The following PRADC1 variants were observed in gnomAD, a reference collection of about 807,000 sequenced individuals.
PRADC1 encodes protease associated domain containing 1, also known as protease-associated domain-containing protein 1.
In PRADC1, 23 loss-of-function variants were observed where a neutral mutation model predicts 22.9. That is an observed-to-expected ratio of 1.00 (90% confidence interval 0.72 to 1.42). The LOEUF is 1.42. PRADC1 is among the 40% of genes most tolerant of loss of function. The pLI, the probability that PRADC1 is intolerant of heterozygous loss-of-function variation, is 0.00. For missense variants in PRADC1, 207 were observed against 258.3 expected (o/e 0.80, Z 1.36); for synonymous variants, 71 against 100.3 (o/e 0.71, Z 1.75).
chr2:73,232,520 G>A (rs1335191793), intron 1 of PRADC1, among the ~76,000 whole-genome samples: 2 of 151,468 alleles, frequency 1.3e-5, no homozygotes, highest in East Asian at 1.9e-4. Flanking sequence ...AGTCCTGGGA[G>A]TGGGGACTCC....
rs1332252501 is a variant in PRADC1 at position 73,228,262 on chromosome 2, A to C, written c.*192T>G. ...CTTGCCTCTTCTTGTAGCATGAGAC[A>C]CCCTTGGGGGCCCTGGGGAAGGGAA... On this transcript the variant is annotated 3_prime_UTR_variant, in exon 5 of 5. Transcript: ENST00000258083. This position sits in a 1 kb window ranked among gnomAD's most constrained non-coding sequence, Gnocchi z 4.0. 14 of 641,944 alleles carry C rather than the reference A, an allele frequency of 2.2e-5. No homozygotes were observed. Among genetic ancestry groups the C allele is most frequent in the Non-Finnish European group, 3.7e-5 (14 of 380,902 alleles). The allele number at this position is 641,944 out of a possible 1,614,324, so 39.8% of individuals were successfully genotyped here.
In PRADC1 at chr2:73,233,147, G is replaced by C. The variant is rs1353223773; in HGVS notation, c.14C>G (p.Ala5Gly). The change falls in exon 1 of 5, where the codon GCC becomes GGC. Residue 5 changes from alanine (A) to glycine (G), a missense_variant. Ala to Gly is a moderately conservative substitution (Grantham distance 60). Transcript: ENST00000258083. Reference sequence around the variant, plus strand: ...GAGCACGAGACAACACCAGCCCGCGGCGCCGGGGACCATCTCCAGGGCCGG... The same window carrying C: ...GAGCACGAGACAACACCAGCCCGCGCCGCCGGGGACCATCTCCAGGGCCGG... MVPG[A>G]AGWCCLVLWL... is the part of the protein sequence containing the mutation. The C allele has an allele frequency of 6.8e-7, 1 of 1,467,114 alleles. No individual in the cohort carries two copies. Among genetic ancestry groups the C allele is most frequent in the Non-Finnish European group, 8.9e-7 (1 of 1,121,982 alleles). 90.9% of individuals were successfully genotyped at this position (1,467,114 alleles called of 1,614,324 possible). A position where few individuals can be genotyped will look rare whatever the true frequency, so the allele number is the denominator to read the frequency against.
At position 73,233,148 on chromosome 2, in the gene PRADC1, C is replaced by G; in HGVS notation, c.13G>C (p.Ala5Pro). 6.9e-7 allele frequency: 1 copy of G among 1,458,430 alleles called. No homozygotes were observed. Among genetic ancestry groups the G allele is most frequent in the African/African-American group, 1.5e-5 (1 of 65,332 alleles). 90.3% of individuals were successfully genotyped at this position (1,458,430 alleles called of 1,614,324 possible). ...AGCACGAGACAACACCAGCCCGCGG[C>G]GCCGGGGACCATCTCCAGGGCCGGG... MVPGAAGWCCLVLWL... is the reference protein window; with the variant it reads MVPGPAGWCCLVLWL... Residue 5 changes from alanine to proline, a missense_variant, in exon 1 of 5, where the codon GCC becomes CCC. Transcript: ENST00000258083.
intron 2 of PRADC1, chr2:73,229,902 G>C: frequency 1.7e-6 from 1 of 589,492 alleles, no homozygotes; most frequent in East Asian, 2.8e-5. Context: ...CCCCTAAAAA[G>C]ACAACTTGTC....
intron 1 of PRADC1, among the ~76,000 whole-genome samples, chr2:73,231,205 C>T (rs1211930842): frequency 5.3e-5 from 8 of 152,150 alleles, no homozygotes; most frequent in Admixed American, 3.3e-4. Context: ...CTGCAAGCTC[C>T]GCCTCCCGGG....
In PRADC1 at chr2:73,228,038, A is replaced by C. The variant is rs966917785; in HGVS notation, c.*416T>G. ...CCTGATGAGAAGCTTTATTGCTAAAAAGTCAGTGAGGGTTTATTGAGTCCC... is the reference window on the plus strand; with the variant it reads ...CCTGATGAGAAGCTTTATTGCTAAACAGTCAGTGAGGGTTTATTGAGTCCC... On this transcript the variant is annotated 3_prime_UTR_variant, in exon 5 of 5. Transcript: ENST00000258083. This position sits in a 1 kb window ranked among gnomAD's most constrained non-coding sequence, Gnocchi z 4.0. 5.0e-6 allele frequency: 1 copy of C among 201,152 alleles called. No homozygotes were observed. The highest frequency in any genetic ancestry group is 1.0e-5 in the Non-Finnish European group (1 of 96,582). The allele number at this position is 201,152 out of a possible 1,614,324, so 12.5% of individuals were successfully genotyped here.
rs1367077917 is a variant in PRADC1, at chr2:73,230,167, C to T, written c.114G>A (p.Gly38=). ...DYLYFQVLSP[G]DIRYIFTATP... ...TGGCTGTGAAGATGTATCGAATGTC[C>T]CCAGGACTCAGCACTTGAAAGTACA... The change falls in exon 2 of 5, where the codon GGG becomes GGA. Residue 38 remains glycine, a synonymous_variant. Transcript: ENST00000258083. The T allele has an allele frequency of 8.7e-6, 14 of 1,614,084 alleles. No homozygotes were observed. The highest frequency in any genetic ancestry group is 1.2e-5 in the Non-Finnish European group (14 of 1,179,968).
chr2:73,231,601 T>C (rs1031915496), intron 1 of PRADC1, among the ~76,000 whole-genome samples: 6 of 151,944 alleles, frequency 3.9e-5, no homozygotes, highest in Non-Finnish European at 8.8e-5. Context: ...TTGTATTTTT[T>C]AGTAGAGAGG....
Position 73,233,205 on chromosome 2 carries a change from C to G in PRADC1, c.-45G>C. The G allele has an allele frequency of 2.4e-6, 3 of 1,258,584 alleles. No homozygotes were observed. Among genetic ancestry groups the G allele is most frequent in the Non-Finnish European group, 3.1e-6 (3 of 970,450 alleles). 78.0% of individuals were successfully genotyped at this position (1,258,584 alleles called of 1,614,324 possible). On this transcript the variant is annotated 5_prime_UTR_variant, in exon 1 of 5. Coordinates refer to ENST00000258083, the MANE Select transcript of PRADC1 (RefSeq NM_032319.3). ...CCGGCGCCGCGTTTCCTCTCGCCGC[C>G]CCGCCGCGCGTCGCTCGCAGGACTT... is the stretch of plus-strand genomic sequence containing the variant.
Position 73,228,865 on chromosome 2 carries a change from C to T in PRADC1, c.376G>A (p.Val126Met), listed in dbSNP as rs1038040429. Reference sequence around the variant, plus strand: ...TGGGTACTGTCCTGGATCATCTCCACGTAGAAGCTGTCATTGTCAACTGCG... The same window carrying T: ...TGGGTACTGTCCTGGATCATCTCCATGTAGAAGCTGTCATTGTCAACTGCG... ...DNAVDNDSFY[V>M]EMIQDSTQRT... is the part of the protein sequence containing the mutation. The change falls in exon 4 of 5, where the codon GTG becomes ATG. Residue 126 changes from valine to methionine, a missense_variant. By Grantham distance (21) the Val-to-Met change is conservative. Coordinates refer to ENST00000258083, the MANE Select transcript of PRADC1 (RefSeq NM_032319.3). This position sits in a 1 kb window ranked among gnomAD's most constrained non-coding sequence, Gnocchi z 4.0. The T allele has an allele frequency of 1.5e-5, 25 of 1,613,472 alleles. No homozygotes were observed. Among genetic ancestry groups the T allele is most frequent in the East Asian group, 2.2e-5 (1 of 44,868 alleles).
intron 3 of PRADC1, 35 bp downstream of exon 3, chr2:73,229,426 G>GCCCACTCCTCGTGTCCTGCCTT: frequency 7.2e-7 from 1 of 1,392,218 alleles, no homozygotes; most frequent in Non-Finnish European, 1.0e-6. Flanking sequence ...CCGTATGCCT[G>GCCCACTCCTCGTGTCCTGCCTT]CCCACTCCTC....
In PRADC1 at chr2:73,233,098, G is replaced by C. The variant is rs767874419; in HGVS notation, c.63C>G (p.Ala21=). ...LVLWLPACVA[A]HGFRIHDYLY... is the part of the protein sequence containing the mutation. ...GTCCCACCCGTTGCCGCTCACCGTG[G>C]GCCGCGACGCACGCGGGGAGCCAGA... The change falls in exon 1 of 5, where the codon GCC becomes GCG. Residue 21 remains alanine, a synonymous_variant. Coordinates refer to ENST00000258083, the MANE Select transcript of PRADC1 (RefSeq NM_032319.3). 43 of 1,542,846 alleles carry C rather than the reference G, an allele frequency of 2.8e-5. No individual in the cohort carries two copies. In the African/African-American group the frequency reaches 5.5e-4, roughly 20 times the overall value.
intron 1 of PRADC1, among the ~76,000 whole-genome samples, chr2:73,232,192 C>A (rs1686657186): frequency 6.6e-6 from 1 of 152,022 alleles, no homozygotes; most frequent in Non-Finnish European, 1.5e-5. Context: ...AAAAAATTAG[C>A]CGGGCGTGGT....
Position 73,228,649 on chromosome 2 carries a change from T to C in PRADC1, c.447-75A>G. ...TCATGCCCCACTGTCCCCATCAATCTGGGAGTTCCAAAGCCCGAGATCTTT... is the reference window on the plus strand; with the variant it reads ...TCATGCCCCACTGTCCCCATCAATCCGGGAGTTCCAAAGCCCGAGATCTTT... On this transcript the variant is annotated intron_variant, in intron 4 of 4. Coordinates refer to ENST00000258083, the MANE Select transcript of PRADC1 (RefSeq NM_032319.3). This position sits in a 1 kb window ranked among gnomAD's most constrained non-coding sequence, Gnocchi z 4.0. 6.2e-7 allele frequency: 1 copy of C among 1,606,020 alleles called. No homozygotes were observed. Among genetic ancestry groups the C allele is most frequent in the Non-Finnish European group, 8.5e-7 (1 of 1,174,320 alleles).
At position 73,228,563 on chromosome 2, in the gene PRADC1, C is replaced by T. The variant is rs755026459; in HGVS notation, c.458G>A (p.Arg153His). 4.3e-6 allele frequency: 7 copies of T among 1,614,060 alleles called. No homozygotes were observed. Among genetic ancestry groups the T allele is most frequent in the East Asian group, 2.2e-5 (1 of 44,882 alleles). The stretch of plus-strand genomic sequence containing the variant: ...CAGCCCATGCTGTTCCAGAGAGCGG[C>T]GGATCATGTAGCTGGGAGGGCATGA... The part of the protein sequence containing the change: ...FLLGRDGYMI[R>H]RSLEQHGLPW... Residue 153 changes from arginine (R) to histidine (H), a missense_variant, in exon 5 of 5, where the codon CGC becomes CAC. Transcript: ENST00000258083. The surrounding 1 kb of genome is among the most constrained non-coding windows in gnomAD (Gnocchi z 4.0).
Position 73,230,209 on chromosome 2 carries a change from G to GA in PRADC1, c.71dup (p.Arg25ProfsTer4), listed in dbSNP as rs1686610218. 1 of 1,611,836 alleles carries GA rather than the reference G, an allele frequency of 6.2e-7. No homozygotes were observed. The highest frequency in any genetic ancestry group is 8.5e-7 in the Non-Finnish European group (1 of 1,177,976). ...GAAAGTACAAATAATCATGGATACG[G>GA]AAGCCTGAAGGATAAAGAGTACAGG... On this transcript the variant is annotated frameshift_variant, in exon 2 of 5. Coordinates refer to ENST00000258083, the MANE Select transcript of PRADC1 (RefSeq NM_032319.3). LOFTEE classifies it high-confidence loss of function.
rs1396733779 is a variant in PRADC1 at position 73,231,338 on chromosome 2, C to G, written c.68-1125G>C. 3.3e-5 allele frequency among the ~76,000 whole-genome samples: 5 copies of G among 152,124 alleles called. No individual in the cohort carries two copies. The South Asian group carries it at 1.0e-3, about 31-fold the overall frequency. On this transcript the variant is annotated intron_variant, in intron 1 of 4. Transcript: ENST00000258083. ...GTTTCACCGTGTTAGCCAGGATGGT[C>G]TCTATCTCCTGACCTCGTGATCCAC...
At position 73,229,468 on chromosome 2, in the gene PRADC1, C is replaced by T. The variant is rs1486645056; in HGVS notation, c.271G>A (p.Glu91Lys). The change falls in exon 3 of 5, where the codon GAG becomes AAG. Residue 91 changes from glutamate (E) to lysine (K), a missense_variant. Coordinates refer to ENST00000258083, the MANE Select transcript of PRADC1 (RefSeq NM_032319.3). Reference sequence around the variant, plus strand: ...TGCCTGCCCACTCCTTACCCCCTCTCCACCAGAGCAATCTGGTCCTGGATG... The same window carrying T: ...TGCCTGCCCACTCCTTACCCCCTCTTCACCAGAGCAATCTGGTCCTGGATG... Reference protein sequence around the residue: ...FFIQDQIALVERGGCSFLSKT... With the variant: ...FFIQDQIALVKRGGCSFLSKT... The T allele has an allele frequency of 6.2e-7, 1 of 1,611,696 alleles. No individual in the cohort carries two copies. Among genetic ancestry groups the T allele is most frequent in the Non-Finnish European group, 8.5e-7 (1 of 1,177,872 alleles).
chr2:73,232,011 C>T (rs1026155641), intron 1 of PRADC1, among the ~76,000 whole-genome samples: 1 of 152,046 alleles, frequency 6.6e-6, no homozygotes. Flanking sequence ...TTTCCTTAAC[C>T]CAGAGAGACT....
Sources: allele counts gnomAD v4.1 joint callset (sites outside exome capture counted in the v4.1 genomes callset), GRCh38; gene constraint gnomAD v4.1.1; non-coding constraint Gnocchi (gnomAD v3.1); transcripts MANE v1.5; gene names NCBI Gene and HGNC (gene_info 2026-07-23, HGNC 2026-07-21).